Variants in ATCAY observed in about 807,000 individuals in gnomAD.
ATCAY encodes ATCAY kinesin light chain interacting caytaxin.
A neutral mutation model predicts 47.7 loss-of-function variants in ATCAY; 22 were observed. That is an observed-to-expected ratio of 0.46 (90% CI 0.33 to 0.66). The LOEUF (loss-of-function observed/expected upper bound fraction) is 0.66, where lower values mean the gene tolerates loss of function less well. ATCAY is among the 30% of genes least tolerant of loss of function. The probability of loss-of-function intolerance (pLI) is 0.02; values close to 1 mark genes in which losing one functional copy is unlikely to be tolerated. For missense variants in ATCAY, 452 were observed against 515.0 expected (o/e 0.88, Z 1.18); for synonymous variants, 216 against 207.6 (o/e 1.04, Z -0.35).
Position 3,907,598 on chromosome 19 carries a change from C to T in ATCAY, c.359-136C>T. On this transcript the variant is annotated intron_variant, in intron 4 of 12. Transcript: ENST00000450849. The surrounding 1 kb of genome is among the most constrained non-coding windows in gnomAD (Gnocchi z 5.1). The stretch of plus-strand genomic sequence containing the variant: ...AGGAGAGGAAAATGGGTCAGCAGGG[C>T]AGCCAGGTGGGGAGAAGCGAAGGAC... 9 of 1,055,328 alleles carry T rather than the reference C, an allele frequency of 8.5e-6. No individual in the cohort carries two copies. The highest frequency in any genetic ancestry group is 1.2e-5 in the Non-Finnish European group (9 of 729,450). 65.4% of individuals were successfully genotyped at this position (1,055,328 alleles called of 1,614,324 possible). A position where few individuals can be genotyped will look rare whatever the true frequency, so the allele number is the denominator to read the frequency against.
chr19:3,909,650 G>C (rs1185027566), intron 7 of ATCAY, 33 bp downstream of exon 7: 6 of 1,553,782 alleles, frequency 3.9e-6, no homozygotes, highest in Non-Finnish European at 5.2e-6. Flanking sequence ...AGCACAGTGG[G>C]GGCATGAAAA....
chr19:3,918,396 A>T (rs185697438), intron 10 of ATCAY, among the ~76,000 whole-genome samples: 41,414 of 150,874 alleles, frequency 0.27, 5,866 homozygotes, highest in East Asian at 0.42. Flanking sequence ...AAAAAAAAAA[A>T]AAATAAATTA....
chr19:3,894,948 CAAA>C (rs34311804), intron 2 of ATCAY, among the ~76,000 whole-genome samples: 5 of 76,790 alleles, frequency 6.5e-5, no homozygotes, highest in East Asian at 4.1e-4. Context: ...GACCCTGTCT[CAAA>C]AAAAAAAAAA....
intron 4 of ATCAY, 84 bp downstream of exon 4, chr19:3,905,739 A>G: frequency 7.7e-7 from 1 of 1,297,162 alleles, no homozygotes; most frequent in Non-Finnish European, 1.1e-6. Flanking sequence ...ATAGGCTCAG[A>G]GAGTCACAAG....
chr19:3,885,843 A>C lies in ATCAY; in HGVS notation c.76A>C (p.Arg26=). ...GGAATGGCAGGACGAAGATCTTCCCAGGTAGGACTTCCACATCCCTGAGTC... is the reference window on the plus strand; with the variant it reads ...GGAATGGCAGGACGAAGATCTTCCCCGGTAGGACTTCCACATCCCTGAGTC... The part of the protein sequence containing the change: ...KEEWQDEDLP[R]PLPEETGVEL... Residue 26 remains arginine, a splice_region_variant and synonymous_variant, in exon 2 of 13, where the codon AGG becomes CGG. Transcript: ENST00000450849. 1 of 1,551,942 alleles carries C rather than the reference A, an allele frequency of 6.4e-7. No homozygotes were observed. Among genetic ancestry groups the C allele is most frequent in the East Asian group, 2.4e-5 (1 of 40,926 alleles).
Position 3,908,346 on chromosome 19 carries a change from A to G in ATCAY, c.623A>G (p.His208Arg). 1.9e-6 allele frequency: 3 copies of G among 1,592,488 alleles called. No individual in the cohort carries two copies. Among genetic ancestry groups the G allele is most frequent in the Non-Finnish European group, 2.6e-6 (3 of 1,169,380 alleles). ...CCAGACAGCAGCCTCCCCGACTACC[A>G]CTACATCATGGAGAACCTCTTCCTG... Reference protein sequence around the residue: ...FLPDSSLPDYHYIMENLFLYV... With the variant: ...FLPDSSLPDYRYIMENLFLYV... Residue 208 changes from histidine to arginine, a missense_variant, in exon 6 of 13, where the codon CAC becomes CGC. Coordinates refer to ENST00000450849, the MANE Select transcript of ATCAY (RefSeq NM_033064.5).
In ATCAY at chr19:3,907,131, CAA is replaced by C. The variant is rs11309347; in HGVS notation, c.359-592_359-591del. On this transcript the variant is annotated intron_variant, in intron 4 of 12. Transcript: ENST00000450849. This position sits in a 1 kb window ranked among gnomAD's most constrained non-coding sequence, Gnocchi z 5.1. ...CCTGGGCGATGGAACAAGACTCTCTCAAAAAAAAAAAAGAAAGAAAAAAAAAA... is the reference window on the plus strand; with the variant it reads ...CCTGGGCGATGGAACAAGACTCTCTCAAAAAAAAAAGAAAGAAAAAAAAAA... 7.6e-4 allele frequency among the ~76,000 whole-genome samples: 103 copies of C among 135,610 alleles called. No homozygotes were observed. The highest frequency in any genetic ancestry group is 9.9e-4 in the Non-Finnish European group (63 of 63,866). 89.0% of individuals were successfully genotyped at this position (135,610 alleles called of 152,430 possible).
At position 3,908,334 on chromosome 19, in the gene ATCAY, T is replaced by TC. The variant is rs762321153; in HGVS notation, c.615dup (p.Asp206ArgfsTer23). 1 of 1,594,218 alleles carries TC rather than the reference T, an allele frequency of 6.3e-7. No homozygotes were observed. Among genetic ancestry groups the TC allele is most frequent in the Non-Finnish European group, 8.5e-7 (1 of 1,170,284 alleles). On this transcript the variant is annotated frameshift_variant, in exon 6 of 13. Coordinates refer to ENST00000450849, the MANE Select transcript of ATCAY (RefSeq NM_033064.5). LOFTEE classifies it high-confidence loss of function. ...GCCTGCTTCCTTCCAGACAGCAGCCTCCCCGACTACCACTACATCATGGAG... is the reference window on the plus strand; with the variant it reads ...GCCTGCTTCCTTCCAGACAGCAGCCTCCCCCGACTACCACTACATCATGGAG...
chr19:3,895,716 C>CTTTTTTTTTTTT (rs537910730), intron 2 of ATCAY, among the ~76,000 whole-genome samples: 6 of 129,662 alleles, frequency 4.6e-5, no homozygotes, highest in Non-Finnish European at 8.2e-5. Context: ...CTTTTCTTTT[C>CTTTTTTTTTTTT]TTTTTTTTTT....
chr19:3,917,051 C>A (rs2145261305), intron 9 of ATCAY, among the ~76,000 whole-genome samples: 1 of 152,216 alleles, frequency 6.6e-6, no homozygotes, highest in East Asian at 2.0e-4. Context: ...CAGTGATCTG[C>A]CCGCCTCGGC....
At chr19:3,914,833 A>AT (rs982454391) in intron 9 of ATCAY, among the ~76,000 whole-genome samples, 3 of 151,066 alleles carry the variant, frequency 2.0e-5, no homozygotes, top group Non-Finnish European at 4.4e-5. Flanking sequence ...AGAAAAAAAA[A>AT]AAAAGATTTG....
At chr19:3,918,918 C>T (rs775798363) in intron 11 of ATCAY, 41 bp downstream of exon 11, 48 of 1,609,224 alleles carry the variant, frequency 3.0e-5, no homozygotes, top group South Asian at 7.7e-5. Context: ...CTGACAGTCA[C>T]GGGAGGCTGC....
At position 3,924,922 on chromosome 19, in the gene ATCAY, C is replaced by A; in HGVS notation, c.*330C>A. On this transcript the variant is annotated 3_prime_UTR_variant, in exon 13 of 13. Transcript: ENST00000450849. ...GTGGCGTCGGTGGCCTCCGCTCCTG[C>A]TCGCAGCCTCTGTGGTCAGAGCTGG... 2.9e-6 allele frequency: 1 copy of A among 344,266 alleles called. No individual in the cohort carries two copies. The highest frequency in any genetic ancestry group is 5.6e-5 in the East Asian group (1 of 17,906). The allele number at this position is 344,266 out of a possible 1,614,324, so 21.3% of individuals were successfully genotyped here. A position where few individuals can be genotyped will look rare whatever the true frequency, so the allele number is the denominator to read the frequency against.
At chr19:3,885,108 TTAA>T (rs1282147445) in intron 1 of ATCAY, among the ~76,000 whole-genome samples, 8 of 85,230 alleles carry the variant, frequency 9.4e-5, no homozygotes, top group East Asian at 6.8e-4. Context: ...GTTTTTTTTT[TTAA>T]AAAAAAAAAA....
Position 3,924,675 on chromosome 19 carries a change from T to C in ATCAY, c.*83T>C, listed in dbSNP as rs775932493. 6 of 1,429,956 alleles carry C rather than the reference T, an allele frequency of 4.2e-6. No individual in the cohort carries two copies. Among genetic ancestry groups the C allele is most frequent in the Non-Finnish European group, 5.8e-6 (6 of 1,028,874 alleles). 88.6% of individuals were successfully genotyped at this position (1,429,956 alleles called of 1,614,324 possible). ...GTCAGACGCCCACTGGCCCCAGATC[T>C]CATCCTGCCTCATCCTGAGTCCCAA... On this transcript the variant is annotated 3_prime_UTR_variant, in exon 13 of 13. Coordinates refer to ENST00000450849, the MANE Select transcript of ATCAY (RefSeq NM_033064.5).
At position 3,925,587 on chromosome 19, in the gene ATCAY, C is replaced by T. The variant is rs750732407; in HGVS notation, c.*995C>T. The T allele has an allele frequency of 6.6e-6, 1 of 152,216 alleles. No homozygotes were observed. The highest frequency in any genetic ancestry group is 1.5e-5 in the Non-Finnish European group (1 of 68,056). 9.4% of individuals were successfully genotyped at this position (152,216 alleles called of 1,614,324 possible). A position where few individuals can be genotyped will look rare whatever the true frequency, so the allele number is the denominator to read the frequency against. ...CACCTGCATTCAAAGCTTGGACCAG[C>T]GGGTTCTTGTTCGGGAGGCAAATTT... On this transcript the variant is annotated 3_prime_UTR_variant, in exon 13 of 13. Transcript: ENST00000450849. This position sits in a 1 kb window ranked among gnomAD's most constrained non-coding sequence, Gnocchi z 4.4.
intron 4 of ATCAY, among the ~76,000 whole-genome samples, chr19:3,906,249 T>A (rs2038859922): frequency 6.6e-6 from 1 of 151,150 alleles, no homozygotes; most frequent in Non-Finnish European, 1.5e-5. Context: ...AGTTCTATTG[T>A]TCGATAGCAG....
rs375049279 is a variant in ATCAY at position 3,910,899 on chromosome 19, G to A, written c.866+10G>A. The A allele has an allele frequency of 5.4e-4, 876 of 1,613,844 alleles. No homozygotes were observed. Among genetic ancestry groups the A allele is most frequent in the Non-Finnish European group, 7.2e-4 (848 of 1,179,876 alleles). Reference sequence around the variant, plus strand: ...CTCGCCCTTTCATCAGGTGAGACGGGGAGGCTGCAACCCAAGTCCAGTGGC... The same window carrying A: ...CTCGCCCTTTCATCAGGTGAGACGGAGAGGCTGCAACCCAAGTCCAGTGGC... On this transcript the variant is annotated intron_variant, in intron 8 of 12. Coordinates refer to ENST00000450849, the MANE Select transcript of ATCAY (RefSeq NM_033064.5).
chr19:3,922,456 G>A (rs1356848802), intron 12 of ATCAY, among the ~76,000 whole-genome samples: 2 of 152,118 alleles, frequency 1.3e-5, no homozygotes, highest in Non-Finnish European at 2.9e-5. Context: ...TCACTACCAC[G>A]AGAACAGCAT....
Sources: allele counts gnomAD v4.1 joint callset (sites outside exome capture counted in the v4.1 genomes callset), GRCh38; gene constraint gnomAD v4.1.1; non-coding constraint Gnocchi (gnomAD v3.1); transcripts MANE v1.5; gene names NCBI Gene and HGNC (gene_info 2026-07-23, HGNC 2026-07-21).